The following DNMT3B variants were observed in gnomAD, a reference collection of about 807,000 sequenced individuals.
DNMT3B encodes the protein DNA methyltransferase 3 beta.
DNMT3B carries 37 observed loss-of-function variants against 120.2 expected under a neutral mutation model. The observed-to-expected ratio is 0.31, with a 90% confidence interval of 0.24 to 0.40. The LOEUF (loss-of-function observed/expected upper bound fraction) is 0.40. Ranked by LOEUF, DNMT3B falls within the 10% of genes least tolerant of loss-of-function variation. The probability of loss-of-function intolerance (pLI) is 1.00; values close to 1 mark genes in which losing one functional copy is unlikely to be tolerated. For synonymous variants in DNMT3B, 412 were observed against 442.8 expected (o/e 0.93, Z 0.87); for missense variants, 878 against 1,137.3 (o/e 0.77, Z 3.28).
intron 20 of DNMT3B, among the ~76,000 whole-genome samples, chr20:32,804,874 C>A (rs1474684378): frequency 6.6e-6 from 1 of 151,970 alleles, no homozygotes; most frequent in Non-Finnish European, 1.5e-5. Flanking sequence ...ACTTTTAAAG[C>A]CTCCTGAGGC....
chr20:32,786,943 T>C (rs1362220126), intron 5 of DNMT3B, among the ~76,000 whole-genome samples: 2 of 152,196 alleles, frequency 1.3e-5, no homozygotes, highest in African/African-American at 4.8e-5. Context: ...TCTTCACCTG[T>C]CTTGAGGCAA....
intron 13 of DNMT3B, 106 bp from the exon 14 acceptor site, chr20:32,797,081 C>A (rs534458653): frequency 6.2e-7 from 1 of 1,605,042 alleles, no homozygotes; most frequent in Non-Finnish European, 8.5e-7. Context: ...CACCAAGCCA[C>A]CAGCAGTGTG....
intron 1 of DNMT3B, among the ~76,000 whole-genome samples, chr20:32,764,522 T>C (rs1257063046): frequency 1.3e-5 from 2 of 152,162 alleles, no homozygotes; most frequent in East Asian, 3.9e-4. Flanking sequence ...AAGGCAGCTC[T>C]GAAAGCTTTT....
rs562266933 is a variant in DNMT3B, at chr20:32,773,282, A to T, written c.-6-7036A>T. Among the ~76,000 whole-genome samples the T allele has an allele frequency of 2.0e-5, 3 of 152,016 alleles. No individual in the cohort carries two copies. In the South Asian group the frequency reaches 6.2e-4, roughly 32 times the overall value. On this transcript the variant is annotated intron_variant, in intron 1 of 22. Transcript: ENST00000328111. ...CCACCACGCCTAGTTTATTTTTTGTATGGACACACTCTTCTGATAATTCTG... is the reference window on the plus strand; with the variant it reads ...CCACCACGCCTAGTTTATTTTTTGTTTGGACACACTCTTCTGATAATTCTG...
rs78049882 is a variant in DNMT3B, at chr20:32,805,259, T to G, written c.2232-79T>G. The G allele has an allele frequency of 3.9e-3, 5,968 of 1,549,616 alleles. 170 individuals are homozygous for G. The African/African-American group carries it at 0.067, about 17-fold the overall frequency. On this transcript the variant is annotated intron_variant, in intron 20 of 22. Transcript: ENST00000328111. ...ACTGCCAGGGCACATCTCTGCAACA[T>G]AGACCCTCACTCCCACCTTGTGCCT...
chr20:32,794,320 G>A (rs1443644239), intron 10 of DNMT3B, among the ~76,000 whole-genome samples: 2 of 140,636 alleles, frequency 1.4e-5, no homozygotes, highest in African/African-American at 2.6e-5. Flanking sequence ...TCCAGCCTGG[G>A]TGACACACTG....
chr20:32,784,931 C>A, intron 4 of DNMT3B, 72 bp downstream of exon 4: 1 of 1,396,856 alleles, frequency 7.2e-7, no homozygotes, highest in Non-Finnish European at 1.0e-6. Context: ...ATGCTACATA[C>A]ATAGCATAGC....
At chr20:32,804,820 T>G in intron 20 of DNMT3B, among the ~76,000 whole-genome samples, 1 of 151,632 alleles carries the variant, frequency 6.6e-6, no homozygotes, top group East Asian at 1.9e-4. Context: ...AACTCCCAAA[T>G]TGCTGGGATT....
chr20:32,797,590 C>G (rs1202883715), intron 14 of DNMT3B, among the ~76,000 whole-genome samples: 1 of 152,088 alleles, frequency 6.6e-6, no homozygotes, highest in South Asian at 2.1e-4. Context: ...AATTCCTGTG[C>G]TCAAGCAATC....
rs760480039 is a variant in DNMT3B, at chr20:32,795,524, T to C, written c.1242T>C (p.Asp414=). The change falls in exon 11 of 23, where the codon GAT becomes GAC. Residue 414 remains aspartate (D), a synonymous_variant. Coordinates refer to ENST00000328111, the MANE Select transcript of DNMT3B (RefSeq NM_006892.4). ...YNNGKDRGDE[D]QSREQMASDV... Reference sequence around the variant, plus strand: ...ACGGCAAAGACCGAGGGGATGAAGATCAGAGCCGAGGTGATTGTTGGGTAC... The same window carrying C: ...ACGGCAAAGACCGAGGGGATGAAGACCAGAGCCGAGGTGATTGTTGGGTAC... 1 of 1,614,108 alleles carries C rather than the reference T, an allele frequency of 6.2e-7. No homozygotes were observed. The highest frequency in any genetic ancestry group is 1.1e-5 in the South Asian group (1 of 91,076).
intron 1 of DNMT3B, among the ~76,000 whole-genome samples, chr20:32,772,906 G>A (rs59497761): frequency 0.011 from 1,304 of 117,734 alleles, 23 homozygotes; most frequent in African/African-American, 0.045. Context: ...ATGGAGTTTC[G>A]CTCTTGTTGC....
chr20:32,801,955 T>A (rs1981395578), intron 19 of DNMT3B, among the ~76,000 whole-genome samples: 1 of 152,164 alleles, frequency 6.6e-6, no homozygotes, highest in Non-Finnish European at 1.5e-5. Flanking sequence ...AAACAAACCA[T>A]CATCTGCTGT....
chr20:32,784,963 G>A, intron 4 of DNMT3B, 104 bp downstream of exon 4: 1 of 1,088,766 alleles, frequency 9.2e-7, no homozygotes, highest in Non-Finnish European at 1.4e-6. Flanking sequence ...GCTTTTAAGA[G>A]AAAGTGATGA....
intron 16 of DNMT3B, 105 bp downstream of exon 16, chr20:32,799,433 C>G: frequency 7.7e-7 from 1 of 1,300,548 alleles, no homozygotes. Context: ...CAAGAAAGGT[C>G]CCTGGGGATT....
intron 1 of DNMT3B, among the ~76,000 whole-genome samples, chr20:32,773,086 T>TC (rs1987841024): frequency 6.6e-6 from 1 of 151,224 alleles, no homozygotes; most frequent in Non-Finnish European, 1.5e-5. Context: ...CCCAAAGTGC[T>TC]GGGATCACAG....
chr20:32,771,880 TTA>T (rs1439937782), intron 1 of DNMT3B, among the ~76,000 whole-genome samples: 3 of 152,064 alleles, frequency 2.0e-5, no homozygotes, highest in African/African-American at 7.2e-5. Context: ...GACAGGCGAG[TTA>T]TGTTTTCCGA....
chr20:32,786,729 T>C, intron 5 of DNMT3B, 102 bp downstream of exon 5: 1 of 1,565,642 alleles, frequency 6.4e-7, no homozygotes, highest in Non-Finnish European at 8.7e-7. Context: ...ATCTGTGTCC[T>C]TTTTTCACAC....
At position 32,797,234 on chromosome 20, in the gene DNMT3B, G is replaced by A; in HGVS notation, c.1425G>A (p.Gln475=). ...LFYMYDDDGY[Q]SYCTVCCEGR... is the part of the protein sequence containing the mutation. ...ACATGTATGATGACGATGGCTATCA[G>A]TCTTACTGCACTGTGTGCTGCGAGG... Residue 475 remains glutamine, a synonymous_variant, in exon 14 of 23, where the codon CAG becomes CAA. Transcript: ENST00000328111. The A allele has an allele frequency of 6.2e-7, 1 of 1,614,212 alleles. No individual in the cohort carries two copies. Among genetic ancestry groups the A allele is most frequent in the Non-Finnish European group, 8.5e-7 (1 of 1,180,052 alleles).
At chr20:32,774,461 G>T (rs181487092) in intron 1 of DNMT3B, among the ~76,000 whole-genome samples, 1 of 149,784 alleles carries the variant, frequency 6.7e-6, no homozygotes, top group African/African-American at 2.5e-5. Context: ...TGCCCACGTC[G>T]GCCTCCCAAA....
Sources: gnomAD v4.1 joint callset for allele counts (sites outside exome capture counted in the v4.1 genomes callset) on GRCh38, gnomAD v4.1.1 for gene constraint, MANE v1.5 for transcripts, NCBI Gene and HGNC (gene_info 2026-07-23, HGNC 2026-07-21) for gene names.